Variants in PLCE1 observed in about 807,000 individuals in gnomAD.
PLCE1 encodes the protein phospholipase C epsilon 1.
A neutral mutation model predicts 242.8 loss-of-function variants in PLCE1; 119 were observed. The ratio of observed to expected loss-of-function variants is 0.49; its 90% CI spans 0.42 to 0.57. The LOEUF (loss-of-function observed/expected upper bound fraction) is 0.57, where lower values mean the gene tolerates loss of function less well. PLCE1 is among the 20% of genes least tolerant of loss of function. PLCE1 has a pLI of 0.00. For missense variants in PLCE1, 2,441 were observed against 2,788.8 expected, an observed-to-expected ratio of 0.88 and a Z score of 2.81; for synonymous variants, 945 against 1,017.4, an observed-to-expected ratio of 0.93 and a Z score of 1.35.
intron 2 of PLCE1, among the ~76,000 whole-genome samples, chr10:94,102,735 C>A (rs1339957067): frequency 6.6e-6 from 1 of 152,212 alleles, no homozygotes; most frequent in Non-Finnish European, 1.5e-5. Flanking sequence ...GCTGCACTCC[C>A]ATCTCCTCAT....
At chr10:94,092,681 G>A (rs2045126321) in intron 2 of PLCE1, among the ~76,000 whole-genome samples, 1 of 151,482 alleles carries the variant, frequency 6.6e-6, no homozygotes, top group East Asian at 1.9e-4. Flanking sequence ...CTTCAATAAG[G>A]AAGAGACATC....
At chr10:94,048,072 A>G (rs1333053082) in intron 2 of PLCE1, among the ~76,000 whole-genome samples, 2 of 152,112 alleles carry the variant, frequency 1.3e-5, no homozygotes, top group Non-Finnish European at 2.9e-5. Context: ...TTTTATTCCT[A>G]AGATTCATTT....
intron 7 of PLCE1, among the ~76,000 whole-genome samples, chr10:94,244,752 G>A (rs2050622260): frequency 6.6e-6 from 1 of 151,982 alleles, no homozygotes; most frequent in African/African-American, 2.4e-5. Flanking sequence ...GCCCAGGCTG[G>A]AGTTCAACGA....
chr10:94,166,401 A>T (rs2047804147), intron 3 of PLCE1, among the ~76,000 whole-genome samples: 1 of 152,194 alleles, frequency 6.6e-6, no homozygotes, highest in South Asian at 2.1e-4. Context: ...AATGAAAGAT[A>T]AAGTTTCTGA....
At chr10:94,044,761 G>T (rs934670655) in intron 2 of PLCE1, among the ~76,000 whole-genome samples, 3 of 152,170 alleles carry the variant, frequency 2.0e-5, no homozygotes, top group Admixed American at 6.5e-5. Context: ...GGTCATGCTA[G>T]CTAGAAGCAC....
At chr10:94,008,237 T>TC (rs1446544920) in intron 1 of PLCE1, among the ~76,000 whole-genome samples, 20 of 99,456 alleles carry the variant, frequency 2.0e-4, no homozygotes, top group Non-Finnish European at 1.9e-5. Flanking sequence ...TCTGAAAATC[T>TC]TCAGGTAAAT....
intron 1 of PLCE1, among the ~76,000 whole-genome samples, chr10:93,998,957 A>G (rs1385640221): frequency 1.3e-5 from 2 of 152,226 alleles, no homozygotes; most frequent in Non-Finnish European, 2.9e-5. Context: ...CCAAGCCTCT[A>G]GAAGCTGGAA....
At chr10:94,102,824 G>A (rs1024986946) in intron 2 of PLCE1, among the ~76,000 whole-genome samples, 7 of 152,170 alleles carry the variant, frequency 4.6e-5, no homozygotes, top group Non-Finnish European at 8.8e-5. Flanking sequence ...TGGGACAGGC[G>A]GCTCTTTGAC....
chr10:94,217,092 A>G (rs2049554470), intron 4 of PLCE1, among the ~76,000 whole-genome samples: 2 of 151,346 alleles, frequency 1.3e-5, no homozygotes, highest in Admixed American at 6.6e-5. Flanking sequence ...ATGTAAAAGC[A>G]CAGGCTTTTG....
intron 29 of PLCE1, among the ~76,000 whole-genome samples, chr10:94,320,213 TAC>T (rs2053744802): frequency 6.6e-6 from 1 of 152,136 alleles, no homozygotes; most frequent in Non-Finnish European, 1.5e-5. Flanking sequence ...ATACATAGGA[TAC>T]AATCTCATTT....
At chr10:94,151,667 G>T (rs541530177) in intron 3 of PLCE1, among the ~76,000 whole-genome samples, 1 of 152,250 alleles carries the variant, frequency 6.6e-6, no homozygotes, top group African/African-American at 2.4e-5. Flanking sequence ...TGAGAGAGGG[G>T]TGTGCAAAGG....
At chr10:94,230,961 A>C (rs1336605369) in intron 5 of PLCE1, among the ~76,000 whole-genome samples, 1 of 152,302 alleles carries the variant, frequency 6.6e-6, no homozygotes, top group South Asian at 2.1e-4. Context: ...ACATGAATCT[A>C]TCTGGGAACA....
intron 3 of PLCE1, among the ~76,000 whole-genome samples, chr10:94,166,579 G>GGTGTGTGTGTGTGT (rs56088035): frequency 0.021 from 3,049 of 145,928 alleles, 98 homozygotes; most frequent in African/African-American, 0.063. Flanking sequence ...AGAGAAAAAA[G>GGTGTGTGTGTGTGT]GTGTGTGTGT....
At chr10:94,205,083 T>G (rs2136845380) in intron 4 of PLCE1, among the ~76,000 whole-genome samples, 1 of 152,302 alleles carries the variant, frequency 6.6e-6, no homozygotes, top group South Asian at 2.1e-4. Context: ...TTCTTGAATA[T>G]CAATTGCCTT....
intron 2 of PLCE1, among the ~76,000 whole-genome samples, chr10:94,118,946 G>A (rs940023771): frequency 7.9e-5 from 12 of 152,084 alleles, no homozygotes; most frequent in African/African-American, 2.9e-4. Context: ...CTCCTTGAAG[G>A]CTTACCTTTC....
At chr10:94,004,149 A>T (rs2060991200) in intron 1 of PLCE1, among the ~76,000 whole-genome samples, 1 of 152,182 alleles carries the variant, frequency 6.6e-6, no homozygotes, top group Non-Finnish European at 1.5e-5. Flanking sequence ...CCATCTCAAA[A>T]AAAAAAAAAA....
chr10:94,037,790 G>A (rs535833720), intron 2 of PLCE1, among the ~76,000 whole-genome samples: 1 of 152,284 alleles, frequency 6.6e-6, no homozygotes, highest in South Asian at 2.1e-4. Context: ...CATCTCTGTA[G>A]TTATACCAGC....
Position 94,088,788 on chromosome 10 carries a change from A to G in PLCE1, c.1207-43386A>G, listed in dbSNP as rs536686947. Among the ~76,000 whole-genome samples, 23 of 152,306 alleles carry G rather than the reference A, an allele frequency of 1.5e-4. 1 individual carries two copies. Among genetic ancestry groups the G allele is most frequent in the South Asian group, 8.3e-4 (4 of 4,826 alleles). On this transcript the variant is annotated intron_variant, in intron 2 of 32. Transcript: ENST00000371380. ...TACCCTTTTTTTTAAACTTGACTAA[A>G]ACAGTGAGTAATTGGGAAGTTCTGA... is the stretch of plus-strand genomic sequence containing the variant.
At chr10:94,066,242 A>T (rs961599949) in intron 2 of PLCE1, among the ~76,000 whole-genome samples, 1 of 152,196 alleles carries the variant, frequency 6.6e-6, no homozygotes, top group Non-Finnish European at 1.5e-5. Flanking sequence ...AAAGCAAATA[A>T]AAGATTTAGC....
Sources: allele counts gnomAD v4.1 joint callset (sites outside exome capture counted in the v4.1 genomes callset), GRCh38; gene constraint gnomAD v4.1.1; transcripts MANE v1.5; gene names NCBI Gene and HGNC (gene_info 2026-07-23, HGNC 2026-07-21).